The following GALNT13 variants were observed in gnomAD, a reference collection of about 807,000 sequenced individuals.
GALNT13 encodes polypeptide N-acetylgalactosaminyltransferase 13.
In GALNT13, 28 loss-of-function variants were observed where a neutral mutation model predicts 64.2. The observed-to-expected ratio is 0.44, with a 90% CI of 0.32 to 0.60. The LOEUF is 0.60. Among genes scored for constraint, GALNT13 ranks in the 20% least tolerant of loss-of-function variants. The pLI is 0.05. For missense variants in GALNT13, 577 were observed against 669.8 expected (o/e 0.86, Z 1.53); for synonymous variants, 214 against 224.6 (o/e 0.95, Z 0.42).
At chr2:153,691,250 A>G in the GALNT13 span, among the ~76,000 whole-genome samples, 3 of 152,168 alleles carry the variant, frequency 2.0e-5, no homozygotes, top group Admixed American at 6.6e-5. Flanking sequence ...CACTTATATA[A>G]AGTATAAAAA....
the GALNT13 span, among the ~76,000 whole-genome samples, chr2:153,642,316 G>T: frequency 6.6e-6 from 1 of 151,726 alleles, no homozygotes. Context: ...ATATGCGTGA[G>T]TTACTTTTCA....
the GALNT13 span, among the ~76,000 whole-genome samples, chr2:153,802,128 G>A: frequency 6.6e-6 from 1 of 152,128 alleles, no homozygotes; most frequent in Non-Finnish European, 1.5e-5. Context: ...CAATTTTCAT[G>A]ATAGGTAAAA....
intron 4 of GALNT13, among the ~76,000 whole-genome samples, chr2:154,142,107 A>G (rs1008801320): frequency 1.3e-5 from 2 of 152,170 alleles, no homozygotes; most frequent in Admixed American, 1.3e-4. Flanking sequence ...TCTTTTAAGC[A>G]CTTAGTGATT....
chr2:154,363,406 T>C (rs1468103195), intron 9 of GALNT13, among the ~76,000 whole-genome samples: 1 of 152,210 alleles, frequency 6.6e-6, no homozygotes, highest in Non-Finnish European at 1.5e-5. Flanking sequence ...ATTTATTCTG[T>C]GGATTTCTGC....
At chr2:153,604,560 A>G in the GALNT13 span, among the ~76,000 whole-genome samples, 1 of 152,060 alleles carries the variant, frequency 6.6e-6, no homozygotes, top group Middle Eastern at 3.2e-3. Context: ...TTAAATTGCT[A>G]TCTAGATAAA....
chr2:153,194,506 A>G, the GALNT13 span, among the ~76,000 whole-genome samples: 2 of 151,548 alleles, frequency 1.3e-5, no homozygotes, highest in South Asian at 4.2e-4. Flanking sequence ...TTGTATTGTT[A>G]CCTGTTTTCT....
chr2:153,978,878 G>A (rs1237348995), intron 3 of GALNT13, among the ~76,000 whole-genome samples: 6 of 152,122 alleles, frequency 3.9e-5, no homozygotes, highest in African/African-American at 1.4e-4. Context: ...TGAGGCTGCA[G>A]TGAGCTCTCA....
chr2:153,094,247 G>A, the GALNT13 span, among the ~76,000 whole-genome samples: 16 of 151,598 alleles, frequency 1.1e-4, no homozygotes, highest in African/African-American at 3.9e-4. Flanking sequence ...ATTTTTTGAT[G>A]TAGGCACTTA....
chr2:153,296,017 TTGAC>T, the GALNT13 span, among the ~76,000 whole-genome samples: 1 of 152,152 alleles, frequency 6.6e-6, no homozygotes, highest in African/African-American at 2.4e-5. Context: ...CACTCAGTCT[TTGAC>T]TGTGTGTCAA....
chr2:153,573,860 AT>A, the GALNT13 span, among the ~76,000 whole-genome samples: 1 of 152,072 alleles, frequency 6.6e-6, no homozygotes, highest in Non-Finnish European at 1.5e-5. Flanking sequence ...TCTACTTATG[AT>A]AAGTGTAGTT....
In GALNT13 at chr2:154,019,655, A is replaced by G. The variant is rs56275217; in HGVS notation, c.142+75016A>G. Reference sequence around the variant, plus strand: ...ACACACACACACACACACACACACAAAAGCAAGAAAAATGCACATGTTTAA... The same window carrying G: ...ACACACACACACACACACACACACAGAAGCAAGAAAAATGCACATGTTTAA... On this transcript the variant is annotated intron_variant, in intron 3 of 12. Transcript: ENST00000392825. 1.5e-3 allele frequency among the ~76,000 whole-genome samples: 159 copies of G among 108,790 alleles called. 1 individual carries two copies. Among genetic ancestry groups the G allele is most frequent in the East Asian group, 8.6e-3 (37 of 4,284 alleles). 71.4% of individuals were successfully genotyped at this position (108,790 alleles called of 152,430 possible).
At chr2:153,302,397 G>C in the GALNT13 span, among the ~76,000 whole-genome samples, 1 of 151,572 alleles carries the variant, frequency 6.6e-6, no homozygotes, top group Non-Finnish European at 1.5e-5. Context: ...TTTAAATCAG[G>C]GTTTTGTTTT....
chr2:153,434,508 T>C, the GALNT13 span, among the ~76,000 whole-genome samples: 1 of 152,232 alleles, frequency 6.6e-6, no homozygotes, highest in East Asian at 1.9e-4. Flanking sequence ...CCTGACTTTT[T>C]AATGATCACC....
At chr2:153,499,015 T>C in the GALNT13 span, among the ~76,000 whole-genome samples, 1 of 152,002 alleles carries the variant, frequency 6.6e-6, no homozygotes, top group African/African-American at 2.4e-5. Flanking sequence ...GCCTGGCAAA[T>C]CTTTGGTATT....
chr2:154,244,332 C>A (rs566262797), intron 6 of GALNT13, among the ~76,000 whole-genome samples: 20 of 152,076 alleles, frequency 1.3e-4, no homozygotes, highest in Non-Finnish European at 2.8e-4. Flanking sequence ...ATCATTAAAT[C>A]TAATAAAGGA....
the GALNT13 span, among the ~76,000 whole-genome samples, chr2:153,820,000 A>C: frequency 6.6e-6 from 1 of 152,232 alleles, no homozygotes. Context: ...TGAAAATCGC[A>C]CAAAGAAACT....
chr2:153,386,609 G>C, the GALNT13 span, among the ~76,000 whole-genome samples: 1 of 152,016 alleles, frequency 6.6e-6, no homozygotes, highest in Non-Finnish European at 1.5e-5. Context: ...GAAGCAAGAA[G>C]GGGTATGTTC....
At chr2:153,578,649 C>T in the GALNT13 span, among the ~76,000 whole-genome samples, 1 of 152,156 alleles carries the variant, frequency 6.6e-6, no homozygotes, top group African/African-American at 2.4e-5. Context: ...AGAACAAAAC[C>T]TTCAAGGGCT....
At chr2:154,207,155 A>G (rs1420302992) in intron 4 of GALNT13, among the ~76,000 whole-genome samples, 1 of 152,196 alleles carries the variant, frequency 6.6e-6, no homozygotes. Flanking sequence ...GATAAAGTCT[A>G]AATCCCTAGC....
Sources: allele counts gnomAD v4.1 joint callset (sites outside exome capture counted in the v4.1 genomes callset), GRCh38; gene constraint gnomAD v4.1.1; transcripts MANE v1.5; gene names NCBI Gene and HGNC (gene_info 2026-07-23, HGNC 2026-07-21).